EML6: variants seen among roughly 807,000 people sequenced by gnomAD.
EML6 encodes echinoderm microtubule-associated protein-like 6.
A neutral mutation model predicts 240.1 loss-of-function variants in EML6; 154 were observed. The observed-to-expected ratio is 0.64, with a 90% CI of 0.56 to 0.73. EML6 has a LOEUF of 0.73. Ranked by LOEUF, EML6 falls within the 30% of genes least tolerant of loss-of-function variation. EML6 has a pLI of 0.00. For missense variants in EML6, 2,964 were observed against 2,474.6 expected, an observed-to-expected ratio of 1.20 and a Z score of -4.20; for synonymous variants, 1,148 against 899.0, an observed-to-expected ratio of 1.28 and a Z score of -4.95.
At chr2:54,747,581 G>A (rs11886822) in intron 2 of EML6, 1 of 152,128 alleles carries the variant, frequency 6.6e-6, no homozygotes, top group African/African-American at 2.4e-5. Context: ...TAGTATGCAT[G>A]TCTGAAACCC....
chr2:54,957,285 A>G (rs1676273231), intron 32 of EML6, among the ~76,000 whole-genome samples: 1 of 150,844 alleles, frequency 6.6e-6, no homozygotes. Flanking sequence ...AGGTAAAAAA[A>G]TTTAAACCTA....
intron 2 of EML6, among the ~76,000 whole-genome samples, chr2:54,787,274 G>A (rs1291732957): frequency 7.9e-6 from 1 of 126,824 alleles, no homozygotes; most frequent in East Asian, 2.3e-4. Flanking sequence ...TCTGAGCCTT[G>A]TCAATGAGAT....
chr2:54,951,912 C>T lies in EML6; in HGVS notation c.4214-682C>T, dbSNP rs534076615. 6.6e-5 allele frequency among the ~76,000 whole-genome samples: 10 copies of T among 152,298 alleles called. No individual in the cohort carries two copies. The South Asian group carries it at 2.1e-3, about 32-fold the overall frequency. On this transcript the variant is annotated intron_variant, in intron 30 of 41. Transcript: ENST00000356458. ...AGCAGTACACACCTTCCTTGTGTAT[C>T]TACACCATCATTCATCTTTAGGTTC...
chr2:54,862,955 T>G (rs975183205), intron 12 of EML6, among the ~76,000 whole-genome samples: 2 of 152,332 alleles, frequency 1.3e-5, no homozygotes, highest in South Asian at 4.1e-4. Flanking sequence ...GGGAACAGGG[T>G]AACCTTTGAA....
chr2:54,942,771 G>T (rs1337542397), intron 28 of EML6, among the ~76,000 whole-genome samples: 2 of 152,110 alleles, frequency 1.3e-5, no homozygotes, highest in Non-Finnish European at 2.9e-5. Flanking sequence ...GAACTCCTTT[G>T]TCCCTCAGTG....
chr2:54,788,401 C>T (rs551541056), intron 2 of EML6, among the ~76,000 whole-genome samples: 22 of 152,348 alleles, frequency 1.4e-4, no homozygotes, highest in African/African-American at 4.3e-4. Context: ...ACAAGGGTGG[C>T]TGCCACTATA....
intron 2 of EML6, among the ~76,000 whole-genome samples, chr2:54,788,161 C>G (rs1669188870): frequency 6.6e-6 from 1 of 152,228 alleles, no homozygotes; most frequent in East Asian, 1.9e-4. Flanking sequence ...GCTTAGGTCG[C>G]CAGGTTCTCG....
chr2:54,866,381 T>G (rs1217763908), intron 13 of EML6, among the ~76,000 whole-genome samples: 1 of 152,198 alleles, frequency 6.6e-6, no homozygotes, highest in Non-Finnish European at 1.5e-5. Flanking sequence ...AAGAGGGATT[T>G]CAGGAGAAAA....
At chr2:54,952,486 G>C in intron 30 of EML6, 108 bp from the exon 31 acceptor site, 1 of 635,830 alleles carries the variant, frequency 1.6e-6, no homozygotes, top group Non-Finnish European at 2.7e-6. Context: ...AGGGCTGTAA[G>C]CTCTCACTTT....
chr2:54,779,015 C>A (rs1668727632), intron 2 of EML6, among the ~76,000 whole-genome samples: 1 of 152,100 alleles, frequency 6.6e-6, no homozygotes, highest in Admixed American at 6.5e-5. Flanking sequence ...ACACTTTACA[C>A]TTTCACCTGA....
At chr2:54,838,081 G>A (rs754973885) in intron 7 of EML6, among the ~76,000 whole-genome samples, 18 of 152,198 alleles carry the variant, frequency 1.2e-4, no homozygotes, top group Non-Finnish European at 2.1e-4. Flanking sequence ...TGCAGTGCCA[G>A]CAGATCAAAA....
intron 2 of EML6, among the ~76,000 whole-genome samples, chr2:54,795,022 C>A (rs1404802438): frequency 6.6e-6 from 1 of 152,140 alleles, no homozygotes; most frequent in Non-Finnish European, 1.5e-5. Context: ...TTTTACCACG[C>A]CATTCTTACA....
intron 7 of EML6, among the ~76,000 whole-genome samples, chr2:54,841,234 A>T (rs911244499): frequency 1.3e-5 from 2 of 152,236 alleles, no homozygotes; most frequent in African/African-American, 4.8e-5. Context: ...TTGAAAGCCC[A>T]TCCTGATGTT....
At chr2:54,772,575 G>A (rs4671231) in intron 2 of EML6, among the ~76,000 whole-genome samples, 40,748 of 152,114 alleles carry the variant, frequency 0.27, 7,620 homozygotes, top group East Asian at 0.51. Context: ...GTTTGTAAGA[G>A]TGGCAAAAAT....
chr2:54,883,546 A>T (rs1405089209), intron 17 of EML6, among the ~76,000 whole-genome samples: 4 of 152,204 alleles, frequency 2.6e-5, no homozygotes, highest in Non-Finnish European at 4.4e-5. Flanking sequence ...CCTCTGGAAG[A>T]GGCTCCTTCC....
intron 2 of EML6, among the ~76,000 whole-genome samples, chr2:54,804,719 C>G (rs1193788349): frequency 1.3e-5 from 2 of 152,208 alleles, no homozygotes; most frequent in African/African-American, 4.8e-5. Context: ...AAATTTGCCC[C>G]TGCTCTAGTC....
At chr2:54,951,702 GA>G (rs11355745) in intron 30 of EML6, among the ~76,000 whole-genome samples, 99,617 of 147,060 alleles carry the variant, frequency 0.68, 36,046 homozygotes, top group Non-Finnish European at 0.82. Context: ...CATGCCTCAA[GA>G]AAAAAAAAAA....
intron 19 of EML6, among the ~76,000 whole-genome samples, chr2:54,892,898 G>A (rs780775156): frequency 3.9e-5 from 6 of 152,032 alleles, no homozygotes; most frequent in African/African-American, 1.5e-4. Flanking sequence ...TCTTCCTGGC[G>A]CCCACTCATG....
At chr2:54,822,903 A>T (rs1335112777) in intron 5 of EML6, among the ~76,000 whole-genome samples, 1 of 152,200 alleles carries the variant, frequency 6.6e-6, no homozygotes, top group Non-Finnish European at 1.5e-5. Flanking sequence ...TATTCCATCA[A>T]CACTTTAGGG....
Sources: gnomAD v4.1 joint callset for allele counts (sites outside exome capture counted in the v4.1 genomes callset) on GRCh38, gnomAD v4.1.1 for gene constraint, MANE v1.5 for transcripts, NCBI Gene and HGNC (gene_info 2026-07-23, HGNC 2026-07-21) for gene names.